CDCP1: variants seen among roughly 807,000 people sequenced by gnomAD.
CDCP1 encodes the protein CUB domain containing protein 1.
In CDCP1, 29 loss-of-function variants were observed where a neutral mutation model predicts 60.2. That is an observed-to-expected ratio of 0.48 (90% CI 0.36 to 0.66). The LOEUF (loss-of-function observed/expected upper bound fraction) is 0.66. Among genes scored for constraint, CDCP1 ranks in the 30% least tolerant of loss-of-function variants. The pLI is 0.00. For missense variants in CDCP1, 876 were observed against 1,074.3 expected (o/e 0.82, Z 2.58); for synonymous variants, 387 against 431.1 (o/e 0.90, Z 1.27).
intron 4 of CDCP1, among the ~76,000 whole-genome samples, chr3:45,106,024 G>A (rs1162841081): frequency 6.6e-6 from 1 of 152,164 alleles, no homozygotes; most frequent in Non-Finnish European, 1.5e-5. Context: ...CAGTTCCTGG[G>A]TAATTGTACA....
At chr3:45,096,853 G>A (rs983055827) in intron 4 of CDCP1, among the ~76,000 whole-genome samples, 3 of 152,112 alleles carry the variant, frequency 2.0e-5, no homozygotes, top group African/African-American at 7.2e-5. Context: ...CCCAGAGGAG[G>A]GGCCTGGGAG....
intron 4 of CDCP1, among the ~76,000 whole-genome samples, chr3:45,097,507 T>TAAA (rs375695747): frequency 7.9e-6 from 1 of 126,674 alleles, no homozygotes. Context: ...TTCTTTTGTT[T>TAAA]AAAAAAAAAA....
chr3:45,145,519 C>T (rs971094558), intron 1 of CDCP1, among the ~76,000 whole-genome samples: 3 of 152,172 alleles, frequency 2.0e-5, no homozygotes, highest in African/African-American at 7.2e-5. Flanking sequence ...CCCTCAAAGT[C>T]CACTGCCAAA....
intron 4 of CDCP1, among the ~76,000 whole-genome samples, chr3:45,097,715 T>C (rs1486916486): frequency 6.6e-6 from 1 of 152,176 alleles, no homozygotes; most frequent in Admixed American, 6.5e-5. Flanking sequence ...CTCTCTCCTC[T>C]TGAACTGGCT....
At chr3:45,132,816 T>C (rs1699121247) in intron 1 of CDCP1, among the ~76,000 whole-genome samples, 4 of 152,224 alleles carry the variant, frequency 2.6e-5, no homozygotes, top group African/African-American at 9.6e-5. Flanking sequence ...GGGCAAAGCC[T>C]CTGTGCCACG....
At chr3:45,104,714 A>C (rs79908563) in intron 4 of CDCP1, among the ~76,000 whole-genome samples, 10,638 of 152,256 alleles carry the variant, frequency 0.07, 499 homozygotes, top group Non-Finnish European at 0.1. Context: ...TCCTGCCTTG[A>C]AAGAATCCCA....
Position 45,091,995 on chromosome 3 carries a change from G to T in CDCP1, c.1628-457C>A, listed in dbSNP as rs769396567. On this transcript the variant is annotated intron_variant, in intron 6 of 8. Transcript: ENST00000296129. The surrounding 1 kb of genome is among the most constrained non-coding windows in gnomAD (Gnocchi z 4.8). ...TTTTTAGTAGAGATGGGGTTTCACC[G>T]TGTTGGCCAGGCTGCTCTTGAACTC... Among the ~76,000 whole-genome samples, 4 of 152,194 alleles carry T rather than the reference G, an allele frequency of 2.6e-5. No homozygotes were observed. In the East Asian group the frequency reaches 7.7e-4, roughly 29 times the overall value.
At chr3:45,140,003 T>C (rs529315464) in intron 1 of CDCP1, among the ~76,000 whole-genome samples, 23 of 152,360 alleles carry the variant, frequency 1.5e-4, no homozygotes, top group African/African-American at 5.5e-4. Flanking sequence ...CCAAACTTCC[T>C]TGTTTGAAAT....
chr3:45,125,760 T>C (rs1438628187), intron 1 of CDCP1, among the ~76,000 whole-genome samples: 1 of 152,230 alleles, frequency 6.6e-6, no homozygotes, highest in Admixed American at 6.5e-5. Context: ...AGGCACTCAC[T>C]GTCAGGGCAG....
At chr3:45,101,476 G>A (rs955920802) in intron 4 of CDCP1, among the ~76,000 whole-genome samples, 1 of 152,152 alleles carries the variant, frequency 6.6e-6, no homozygotes, top group Non-Finnish European at 1.5e-5. Context: ...TGGGCCCTGG[G>A]ACTGGCTTCA....
At chr3:45,109,475 G>A (rs1698650748) in intron 4 of CDCP1, among the ~76,000 whole-genome samples, 1 of 152,032 alleles carries the variant, frequency 6.6e-6, no homozygotes, top group Non-Finnish European at 1.5e-5. Flanking sequence ...ATGAGAATCA[G>A]CCCTCTGAAC....
At chr3:45,143,853 C>A (rs2126011512) in intron 1 of CDCP1, among the ~76,000 whole-genome samples, 1 of 152,230 alleles carries the variant, frequency 6.6e-6, no homozygotes, top group East Asian at 1.9e-4. Flanking sequence ...ATGGGGGAGA[C>A]TCATCAGCGC....
intron 1 of CDCP1, among the ~76,000 whole-genome samples, chr3:45,142,691 T>G (rs1271765249): frequency 2.6e-5 from 4 of 151,922 alleles, no homozygotes; most frequent in Non-Finnish European, 5.9e-5. Context: ...AACATGGAAA[T>G]ACGCAACTAA....
intron 1 of CDCP1, among the ~76,000 whole-genome samples, chr3:45,135,308 A>AC (rs1449662669): frequency 2.6e-5 from 4 of 151,994 alleles, no homozygotes; most frequent in Non-Finnish European, 4.4e-5. Context: ...AAAAAAAAAA[A>AC]AACAAAAAAC....
chr3:45,119,148 A>C (rs1170477321), intron 1 of CDCP1, among the ~76,000 whole-genome samples: 1 of 152,182 alleles, frequency 6.6e-6, no homozygotes, highest in Non-Finnish European at 1.5e-5. Context: ...CTAGAAAAAC[A>C]TTTGCAGAAA....
At chr3:45,120,912 C>A (rs1576107320) in intron 1 of CDCP1, among the ~76,000 whole-genome samples, 1 of 9,544 alleles carries the variant, frequency 1.0e-4, no homozygotes, top group African/African-American at 1.9e-4. Context: ...GTGCTCCCCT[C>A]CCCCCACCAC....
intron 1 of CDCP1, among the ~76,000 whole-genome samples, chr3:45,123,157 A>G (rs1698916100): frequency 6.6e-6 from 1 of 151,996 alleles, no homozygotes; most frequent in African/African-American, 2.4e-5. Flanking sequence ...TTTTTTATTT[A>G]TGGTCTTTCA....
At chr3:45,126,192 C>CTCGT (rs1698995291) in intron 1 of CDCP1, among the ~76,000 whole-genome samples, 1 of 36,690 alleles carries the variant, frequency 2.7e-5, no homozygotes, top group Non-Finnish European at 5.4e-5. Context: ...CTCTCTCTCT[C>CTCGT]TCTTTCTTTC....
chr3:45,098,371 T>G (rs1318397455), intron 4 of CDCP1, among the ~76,000 whole-genome samples: 1 of 152,060 alleles, frequency 6.6e-6, no homozygotes, highest in Non-Finnish European at 1.5e-5. Flanking sequence ...GATTTATGTA[T>G]GCAGATGAAG....
Sources: gnomAD v4.1 joint callset for allele counts (sites outside exome capture counted in the v4.1 genomes callset) on GRCh38, gnomAD v4.1.1 for gene constraint, Gnocchi (gnomAD v3.1) non-coding constraint, MANE v1.5 for transcripts, NCBI Gene and HGNC (gene_info 2026-07-23, HGNC 2026-07-21) for gene names.